The following HS6ST2 variants were observed in gnomAD, a reference collection of about 807,000 sequenced individuals.
HS6ST2 encodes heparan-sulfate 6-O-sulfotransferase 2.
In HS6ST2, 17 loss-of-function variants were observed where a neutral mutation model predicts 33.0. The observed-to-expected ratio is 0.52, with a 90% confidence interval of 0.35 to 0.77. The LOEUF (loss-of-function observed/expected upper bound fraction) is 0.77, where lower values mean the gene tolerates loss of function less well. Ranked by LOEUF, HS6ST2 falls within the 30% of genes least tolerant of loss-of-function variation. The probability of loss-of-function intolerance (pLI) is 0.01; values close to 1 mark genes in which losing one functional copy is unlikely to be tolerated. For missense variants in HS6ST2, 519 were observed against 551.7 expected, an observed-to-expected ratio of 0.94 and a Z score of 0.59; for synonymous variants, 248 against 237.1, an observed-to-expected ratio of 1.05 and a Z score of -0.42.
At chrX:132,939,768 G>C (rs1375138674) in intron 2 of HS6ST2, among the ~76,000 whole-genome samples, 2 of 111,027 alleles carry the variant, frequency 1.8e-5, no homozygotes. Flanking sequence ...CAATCTAAAG[G>C]CTTCAAAATT....
chrX:132,716,329 C>T lies in HS6ST2; in HGVS notation c.948-7835G>A, dbSNP rs1386000394. Among the ~76,000 whole-genome samples the T allele has an allele frequency of 3.6e-5, 4 of 111,962 alleles. 1 individual carries two copies. In the Admixed American group the frequency reaches 3.8e-4, roughly 11 times the overall value. ...GATACATTGTTTCTGAAAACATTAC[C>T]ACAGCACCTATTTGACAATTTAGTC... On this transcript the variant is annotated intron_variant, in intron 2 of 4. Transcript: ENST00000370833.
chrX:132,643,932 C>A (rs1019025019), intron 4 of HS6ST2, among the ~76,000 whole-genome samples: 1 of 111,734 alleles, frequency 8.9e-6, no homozygotes, highest in Non-Finnish European at 1.9e-5. Context: ...GATCTGCTTG[C>A]GTGCTGCGTG....
At chrX:132,812,444 TAA>T (rs1258836812) in intron 2 of HS6ST2, among the ~76,000 whole-genome samples, 4 of 96,898 alleles carry the variant, frequency 4.1e-5, no homozygotes, top group Admixed American at 1.1e-4. Flanking sequence ...ATAATAATAA[TAA>T]AATAATAATA....
rs181111057 is a variant in HS6ST2 at position 132,893,730 on chromosome X, G to A, written c.947+63078C>T. ...TCTGCCTGAAGCCAAGACAGATAGG[G>A]TTGGGGAAGAATGAATATGGCATTG... On this transcript the variant is annotated intron_variant, in intron 2 of 4. Transcript: ENST00000370833. 3.6e-5 allele frequency among the ~76,000 whole-genome samples: 4 copies of A among 111,827 alleles called. No homozygotes were observed. The East Asian group carries it at 1.1e-3, about 32-fold the overall frequency.
chrX:132,626,907 T>C lies in HS6ST2; in HGVS notation c.*1316A>G, dbSNP rs1386565743. 8.9e-6 allele frequency: 1 copy of C among 112,528 alleles called. No individual in the cohort carries two copies. Among genetic ancestry groups the C allele is most frequent in the Non-Finnish European group, 1.9e-5 (1 of 53,280 alleles). The allele number at this position is 112,528 out of a possible 1,213,427, so 9.3% of individuals were successfully genotyped here. A position where few individuals can be genotyped will look rare whatever the true frequency, so the allele number is the denominator to read the frequency against. ...CTGCTCAACTCATATGTTCCTGATA[T>C]GTAACCTCACTACAGAACACTTTTT... On this transcript the variant is annotated 3_prime_UTR_variant, in exon 5 of 5. Transcript: ENST00000370833.
At chrX:132,674,732 C>T (rs1342182301) in intron 3 of HS6ST2, among the ~76,000 whole-genome samples, 1 of 111,839 alleles carries the variant, frequency 8.9e-6, no homozygotes, top group Non-Finnish European at 1.9e-5. Context: ...CAGTATGGAC[C>T]GTAGTTACAA....
chrX:132,690,372 A>G (rs2064053560), intron 3 of HS6ST2, among the ~76,000 whole-genome samples: 1 of 112,083 alleles, frequency 8.9e-6, no homozygotes, highest in African/African-American at 3.2e-5. Context: ...TCAATTTCCC[A>G]AAGTACTAAC....
At chrX:132,949,139 A>G (rs1052240961) in intron 2 of HS6ST2, among the ~76,000 whole-genome samples, 2 of 110,788 alleles carry the variant, frequency 1.8e-5, no homozygotes, top group Non-Finnish European at 3.8e-5. Flanking sequence ...AGAGCAACAC[A>G]TACACTAACT....
chrX:132,865,651 C>A (rs1375356681), intron 2 of HS6ST2, among the ~76,000 whole-genome samples: 2 of 111,522 alleles, frequency 1.8e-5, no homozygotes, highest in Admixed American at 9.5e-5. Flanking sequence ...TGTTTCCTGA[C>A]TTTTTAATGA....
At chrX:132,930,540 G>A (rs768101336) in intron 2 of HS6ST2, among the ~76,000 whole-genome samples, 2 of 111,075 alleles carry the variant, frequency 1.8e-5, no homozygotes, top group African/African-American at 6.5e-5. Context: ...GGCTGGAAGA[G>A]CTACCAAAAG....
intron 4 of HS6ST2, among the ~76,000 whole-genome samples, chrX:132,667,029 G>A (rs912400947): frequency 5.4e-5 from 6 of 111,356 alleles, no homozygotes; most frequent in African/African-American, 2.0e-4. Flanking sequence ...AGAACACAGT[G>A]CCTAAACATC....
chrX:132,835,927 A>T (rs764677520), intron 2 of HS6ST2, among the ~76,000 whole-genome samples: 1 of 111,240 alleles, frequency 9.0e-6, no homozygotes, highest in South Asian at 3.9e-4. Context: ...TGGAGGGGGG[A>T]AGAAATCTGC....
chrX:132,775,070 A>G (rs1227191568), intron 2 of HS6ST2, among the ~76,000 whole-genome samples: 1 of 110,514 alleles, frequency 9.0e-6, no homozygotes, highest in Non-Finnish European at 1.9e-5. Flanking sequence ...GTTTTCCAAA[A>G]CACTCTCATC....
At chrX:132,712,974 G>A (rs770014462) in intron 2 of HS6ST2, among the ~76,000 whole-genome samples, 73 of 111,347 alleles carry the variant, frequency 6.6e-4, no homozygotes, top group South Asian at 3.9e-4. Context: ...GCAGTAAGCC[G>A]AGATTATGCC....
intron 2 of HS6ST2, among the ~76,000 whole-genome samples, chrX:132,904,515 A>C (rs867655978): frequency 2.9e-5 from 2 of 68,109 alleles, no homozygotes; most frequent in Non-Finnish European, 5.7e-5. Context: ...TTCCTTTTTT[A>C]TTTTCTTTTT....
chrX:132,688,430 T>C (rs2064036082), intron 3 of HS6ST2, among the ~76,000 whole-genome samples: 1 of 111,931 alleles, frequency 8.9e-6, no homozygotes, highest in East Asian at 2.8e-4. Flanking sequence ...CTGGGTAATT[T>C]ATAAAGGAAA....
At chrX:132,865,924 T>A (rs1457922279) in intron 2 of HS6ST2, among the ~76,000 whole-genome samples, 1 of 112,009 alleles carries the variant, frequency 8.9e-6, no homozygotes, top group Non-Finnish European at 1.9e-5. Context: ...TCCCATTTTG[T>A]AGGTTGCCTG....
intron 2 of HS6ST2, among the ~76,000 whole-genome samples, chrX:132,711,658 G>C (rs2064232063): frequency 9.0e-6 from 1 of 111,677 alleles, no homozygotes; most frequent in South Asian, 3.8e-4. Context: ...ACAGAGCCCA[G>C]AGCACAGCCT....
chrX:132,825,582 A>G (rs762290468), intron 2 of HS6ST2, among the ~76,000 whole-genome samples: 1 of 111,816 alleles, frequency 8.9e-6, no homozygotes, highest in East Asian at 2.8e-4. Flanking sequence ...TTGCTAGGCC[A>G]ACTTTCTGGA....
Sources: gnomAD v4.1 joint callset for allele counts (sites outside exome capture counted in the v4.1 genomes callset) on GRCh38, gnomAD v4.1.1 for gene constraint, MANE v1.5 for transcripts, NCBI Gene and HGNC (gene_info 2026-07-23, HGNC 2026-07-21) for gene names.